The following ZNF423 variants were observed in gnomAD, a reference collection of about 807,000 sequenced individuals.
ZNF423 encodes zinc finger protein 423, also known as Ebf-associated zinc finger protein.
Under a neutral mutation model 95.8 loss-of-function variants are expected in ZNF423, and 12 were observed. The observed-to-expected ratio is 0.13, with a 90% CI of 0.08 to 0.20. The LOEUF (loss-of-function observed/expected upper bound fraction) is 0.20. Ranked by LOEUF, ZNF423 falls within the 10% of genes least tolerant of loss-of-function variation. The pLI is 1.00. For missense variants in ZNF423, 1,316 were observed against 1,737.1 expected, an observed-to-expected ratio of 0.76 and a Z score of 4.31; for synonymous variants, 749 against 711.9, an observed-to-expected ratio of 1.05 and a Z score of -0.83.
intron 1 of ZNF423, among the ~76,000 whole-genome samples, chr16:49,790,467 G>A (rs1248265467): frequency 6.6e-6 from 1 of 152,238 alleles, no homozygotes; most frequent in African/African-American, 2.4e-5. Context: ...CAGGTAGTGA[G>A]AGCCACGAAG....
At chr16:49,523,374 G>A (rs1243637191) in intron 7 of ZNF423, among the ~76,000 whole-genome samples, 3 of 152,348 alleles carry the variant, frequency 2.0e-5, no homozygotes, top group East Asian at 1.9e-4. Context: ...GACTTGCCAC[G>A]AAACACCTCA....
chr16:49,674,948 T>A (rs534042112), intron 3 of ZNF423, among the ~76,000 whole-genome samples: 2 of 152,070 alleles, frequency 1.3e-5, no homozygotes, highest in Non-Finnish European at 2.9e-5. Context: ...CACCAAGATG[T>A]CCTGGGAAGT....
chr16:49,637,238 G>A lies in ZNF423; in HGVS notation c.1938C>T (p.Asp646=). ...AGCTCTCAAAGTTGGAGAACTTGAG[G>A]TCGCATTGATTGCAAGGATACTCCC... ...SNGEYPCNQC[D]LKFSNFESFQ... The change falls in exon 4 of 8, where the codon GAC becomes GAT. Residue 646 remains aspartate, a synonymous_variant. Transcript: ENST00000563137. The surrounding 1 kb of genome is among the most constrained non-coding windows in gnomAD (Gnocchi z 5.6). 6.2e-7 allele frequency: 1 copy of A among 1,614,130 alleles called. No individual in the cohort carries two copies. Among genetic ancestry groups the A allele is most frequent in the Admixed American group, 1.7e-5 (1 of 60,024 alleles).
intron 3 of ZNF423, among the ~76,000 whole-genome samples, chr16:49,686,103 A>C (rs1452811133): frequency 1.3e-5 from 2 of 152,094 alleles, no homozygotes; most frequent in Non-Finnish European, 2.9e-5. Flanking sequence ...GTAGCTATTT[A>C]TGGGGTGGTT....
intron 5 of ZNF423, among the ~76,000 whole-genome samples, chr16:49,594,784 G>A (rs529308356): frequency 6.6e-6 from 1 of 152,052 alleles, no homozygotes; most frequent in African/African-American, 2.4e-5. Flanking sequence ...GAGCACACAC[G>A]GCCAACAGCA....
At chr16:49,783,594 G>T (rs1197860725) in intron 2 of ZNF423, among the ~76,000 whole-genome samples, 2 of 135,100 alleles carry the variant, frequency 1.5e-5, no homozygotes, top group South Asian at 2.7e-4. Flanking sequence ...AGGTGTAGGG[G>T]TAGGTTTCGT....
At chr16:49,715,077 G>T (rs1044311221) in intron 3 of ZNF423, among the ~76,000 whole-genome samples, 1 of 152,186 alleles carries the variant, frequency 6.6e-6, no homozygotes, top group Non-Finnish European at 1.5e-5. Flanking sequence ...CACTGAGTAA[G>T]TATTCCCTGA....
At chr16:49,766,800 C>G (rs959429833) in intron 2 of ZNF423, among the ~76,000 whole-genome samples, 1 of 152,182 alleles carries the variant, frequency 6.6e-6, no homozygotes, top group Non-Finnish European at 1.5e-5. Flanking sequence ...TTTCTCACTT[C>G]CCGGCTGTGC....
intron 1 of ZNF423, among the ~76,000 whole-genome samples, chr16:49,793,767 G>T (rs376232911): frequency 3.9e-5 from 6 of 152,258 alleles, no homozygotes; most frequent in African/African-American, 1.2e-4. Flanking sequence ...CAGAGCGGAG[G>T]CATGAGGGCA....
chr16:49,658,440 T>C (rs916937459), intron 3 of ZNF423, among the ~76,000 whole-genome samples: 2 of 152,202 alleles, frequency 1.3e-5, no homozygotes, highest in Non-Finnish European at 2.9e-5. Context: ...CCTAAACTCA[T>C]CCAAATCTAC....
At chr16:49,847,888 C>T (rs1182886186) in intron 1 of ZNF423, among the ~76,000 whole-genome samples, 4 of 152,010 alleles carry the variant, frequency 2.6e-5, no homozygotes, top group Admixed American at 1.3e-4. Context: ...TTTGGGAGGT[C>T]GAGGCAGGAG....
intron 2 of ZNF423, among the ~76,000 whole-genome samples, chr16:49,769,789 A>C (rs1596989575): frequency 1.1e-5 from 1 of 87,486 alleles, no homozygotes; most frequent in East Asian, 3.5e-4. Flanking sequence ...TCCCTCCCTC[A>C]TCTCCAAGCC....
chr16:49,700,851 G>C (rs1368239155), intron 3 of ZNF423, among the ~76,000 whole-genome samples: 1 of 152,022 alleles, frequency 6.6e-6, no homozygotes, highest in Non-Finnish European at 1.5e-5. Flanking sequence ...GTGAGTTCCT[G>C]AGTCCCCTGT....
intron 3 of ZNF423, among the ~76,000 whole-genome samples, chr16:49,717,585 G>C (rs2032744706): frequency 6.6e-6 from 1 of 152,234 alleles, no homozygotes; most frequent in Admixed American, 6.5e-5. Flanking sequence ...CAGGAAGACT[G>C]GGTCCTTCGC....
chr16:49,492,297 C>T lies in ZNF423; in HGVS notation c.3850-993G>A, dbSNP rs1450652778. 6.6e-6 allele frequency among the ~76,000 whole-genome samples: 1 copy of T among 152,178 alleles called. No homozygotes were observed. Among genetic ancestry groups the T allele is most frequent in the East Asian group, 1.9e-4 (1 of 5,172 alleles). Reference sequence around the variant, plus strand: ...AGGTGTAGGGTGGCCCTGTTTGGGGCCGCACAGGACCCTAGATCCCCGGGA... The same window carrying T: ...AGGTGTAGGGTGGCCCTGTTTGGGGTCGCACAGGACCCTAGATCCCCGGGA... On this transcript the variant is annotated intron_variant, in intron 7 of 7. Transcript: ENST00000563137. This position sits in a 1 kb window ranked among gnomAD's most constrained non-coding sequence, Gnocchi z 4.2.
At chr16:49,784,956 A>C (rs906182045) in intron 2 of ZNF423, among the ~76,000 whole-genome samples, 1 of 151,988 alleles carries the variant, frequency 6.6e-6, no homozygotes, top group African/African-American at 2.4e-5. Flanking sequence ...TCTCAAAAAA[A>C]AAAAAAAAAA....
rs756062396 is a variant in ZNF423, at chr16:49,637,652, G to A, written c.1524C>T (p.Arg508=). The part of the protein sequence containing the change: ...ADINSLQEHI[R]VSHCGPNANP... ...TGGCGTTGGGGCCGCAGTGGGAGAC[G>A]CGGATGTGCTCCTGCAGGCTATTGA... Residue 508 remains arginine, a synonymous_variant, in exon 4 of 8, where the codon CGC becomes CGT. Coordinates refer to ENST00000563137, the MANE Select transcript of ZNF423 (RefSeq NM_001379286.1). The surrounding 1 kb of genome is among the most constrained non-coding windows in gnomAD (Gnocchi z 5.6). 1.4e-5 allele frequency: 22 copies of A among 1,614,088 alleles called. No individual in the cohort carries two copies. The highest frequency in any genetic ancestry group is 1.6e-4 in the Middle Eastern group (1 of 6,062).
At chr16:49,768,576 C>T (rs893271649) in intron 2 of ZNF423, among the ~76,000 whole-genome samples, 1 of 152,128 alleles carries the variant, frequency 6.6e-6, no homozygotes, top group Non-Finnish European at 1.5e-5. Flanking sequence ...CTGCCCGCTC[C>T]CAGTTTTCCT....
chr16:49,638,837 C>T lies in ZNF423; in HGVS notation c.339G>A (p.Ser113=), dbSNP rs191436768. The T allele has an allele frequency of 6.6e-5, 106 of 1,612,258 alleles. No individual in the cohort carries two copies. The highest frequency in any genetic ancestry group is 3.3e-4 in the Middle Eastern group (2 of 6,052). The change falls in exon 4 of 8, where the codon TCG becomes TCA. Residue 113 remains serine, a synonymous_variant. Coordinates refer to ENST00000563137, the MANE Select transcript of ZNF423 (RefSeq NM_001379286.1). This position sits in a 1 kb window ranked among gnomAD's most constrained non-coding sequence, Gnocchi z 5.6. The part of the protein sequence containing the change: ...DDDPQLSWVA[S]SPSSKDVASP... ...ACGCAACATCCTTGCTGGAGGGAGA[C>T]GAGGCCACCCAGGAGAGTTGTGGGT... is the stretch of plus-strand genomic sequence containing the variant.
Sources: allele counts gnomAD v4.1 joint callset (sites outside exome capture counted in the v4.1 genomes callset), GRCh38; gene constraint gnomAD v4.1.1; non-coding constraint Gnocchi (gnomAD v3.1); transcripts MANE v1.5; gene names NCBI Gene and HGNC (gene_info 2026-07-23, HGNC 2026-07-21).